The following TRMT11 variants were observed in gnomAD, a reference collection of about 807,000 sequenced individuals.
The protein encoded by TRMT11 is tRNA methyltransferase 11, also known as tRNA (guanine(10)-N(2))-methyltransferase TRMT11.
TRMT11 carries 53 observed loss-of-function variants against 62.8 expected under a neutral mutation model. The observed-to-expected ratio is 0.84, with a 90% CI of 0.68 to 1.06. The LOEUF (loss-of-function observed/expected upper bound fraction) is 1.06. TRMT11 is among the 50% of genes least tolerant of loss of function. The pLI is 0.00. For synonymous variants in TRMT11, 188 were observed against 190.3 expected (o/e 0.99, Z 0.10); for missense variants, 556 against 553.4 (o/e 1.00, Z -0.05).
At chr6:126,183,486 A>G (rs940621951) in intron 1 of TRMT11, among the ~76,000 whole-genome samples, 2 of 152,190 alleles carry the variant, frequency 1.3e-5, no homozygotes, top group African/African-American at 4.8e-5. Context: ...GTGTGCAGCT[A>G]TCTGAACAGT....
intron 7 of TRMT11, among the ~76,000 whole-genome samples, chr6:126,003,524 A>T (rs1044110478): frequency 6.6e-5 from 10 of 152,002 alleles, no homozygotes; most frequent in Admixed American, 6.6e-5. Flanking sequence ...CTGTTTTTCC[A>T]CAGTCTCACC....
chr6:126,257,996 G>T, the TRMT11 span: 1 of 1,543,230 alleles, frequency 6.5e-7, no homozygotes, highest in South Asian at 1.1e-5. Flanking sequence ...AGGCCTCGGT[G>T]GGTTTGTAAC....
At chr6:126,239,485 A>G in the TRMT11 span, among the ~76,000 whole-genome samples, 1 of 152,122 alleles carries the variant, frequency 6.6e-6, no homozygotes, top group Non-Finnish European at 1.5e-5. Context: ...TTGGCTGGAT[A>G]TGAAATTCTG....
At chr6:126,017,945 C>T (rs1385725976) in intron 11 of TRMT11, among the ~76,000 whole-genome samples, 2 of 152,184 alleles carry the variant, frequency 1.3e-5, no homozygotes, top group African/African-American at 4.8e-5. Context: ...GCTGTTTGCC[C>T]AGGCTCCATA....
chr6:126,073,550 A>G (rs1213081657), intron 17 of TRMT11, among the ~76,000 whole-genome samples: 1 of 152,160 alleles, frequency 6.6e-6, no homozygotes, highest in African/African-American at 2.4e-5. Flanking sequence ...TCACAGTCAC[A>G]ACATGAGACC....
chr6:126,139,776 A>G (rs550447661), intron 21 of TRMT11, among the ~76,000 whole-genome samples: 1 of 152,094 alleles, frequency 6.6e-6, no homozygotes, highest in Non-Finnish European at 1.5e-5. Context: ...TGTAACTTCT[A>G]TTTGGCTACC....
chr6:126,247,719 G>A, the TRMT11 span, among the ~76,000 whole-genome samples: 1 of 151,402 alleles, frequency 6.6e-6, no homozygotes, highest in Non-Finnish European at 1.5e-5. Flanking sequence ...TGGGATAAAA[G>A]AAAACTAGGA....
intron 1 of TRMT11, among the ~76,000 whole-genome samples, chr6:126,184,676 G>T (rs1473380793): frequency 6.6e-6 from 1 of 151,938 alleles, no homozygotes; most frequent in Non-Finnish European, 1.5e-5. Flanking sequence ...AGACCTTCTT[G>T]GGCTCCCTCA....
At chr6:126,211,944 T>G in the TRMT11 span, among the ~76,000 whole-genome samples, 1 of 152,156 alleles carries the variant, frequency 6.6e-6, no homozygotes, top group Non-Finnish European at 1.5e-5. Flanking sequence ...CTTCCCAGCC[T>G]CTGGTAACTA....
chr6:126,195,155 TA>T (rs1433791137), intron 1 of TRMT11, among the ~76,000 whole-genome samples: 13 of 152,206 alleles, frequency 8.5e-5, no homozygotes, highest in Non-Finnish European at 1.6e-4. Flanking sequence ...ATGATTCAGA[TA>T]ATTCAGATTA....
At chr6:126,218,939 C>T in the TRMT11 span, among the ~76,000 whole-genome samples, 2 of 152,172 alleles carry the variant, frequency 1.3e-5, no homozygotes, top group Non-Finnish European at 2.9e-5. Flanking sequence ...TCTCTCCAGG[C>T]ACCAGCTGAG....
At chr6:126,132,931 C>T (rs1777803931) in intron 21 of TRMT11, among the ~76,000 whole-genome samples, 1 of 151,886 alleles carries the variant, frequency 6.6e-6, no homozygotes, top group Admixed American at 6.6e-5. Context: ...CTTTTTTTCC[C>T]TTAATTTTTA....
chr6:126,031,449 A>G lies in TRMT11; in HGVS notation c.1261-7256A>G, dbSNP rs1346714593. Among the ~76,000 whole-genome samples, 11 of 152,168 alleles carry G rather than the reference A, an allele frequency of 7.2e-5. 1 individual carries two copies. The East Asian group carries it at 1.9e-3, about 27-fold the overall frequency. Reference sequence around the variant, plus strand: ...ATCAGGAGAAATGGCCACTCAAACCATATTCCAACATAGCATCTTGTGTTC... The same window carrying G: ...ATCAGGAGAAATGGCCACTCAAACCGTATTCCAACATAGCATCTTGTGTTC... On this transcript the variant is annotated intron_variant, in intron 12 of 12. Coordinates refer to ENST00000334379, the MANE Select transcript of TRMT11 (RefSeq NM_001031712.3).
intron 12 of TRMT11, among the ~76,000 whole-genome samples, chr6:126,022,367 C>T (rs1182920103): frequency 6.6e-6 from 1 of 152,050 alleles, no homozygotes; most frequent in African/African-American, 2.4e-5. Context: ...TCATACCCAT[C>T]TCTAGCCTGC....
rs1562334975 is a variant in TRMT11, at chr6:126,151,935, C to CTTTCTTTCTTTCTTTCTT, written c.*1824-22879_*1824-22878insCTTTCTTTTTCTTTCTTT. Among the ~76,000 whole-genome samples, 7 of 94,824 alleles carry CTTTCTTTCTTTCTTTCTT rather than the reference C, an allele frequency of 7.4e-5. 1 individual carries two copies. The highest frequency in any genetic ancestry group is 3.5e-4 in the African/African-American group (7 of 19,772). 62.2% of individuals were successfully genotyped at this position (94,824 alleles called of 152,430 possible). ...TCTTTCTTTCTTTCTTTCTTTCTTT[C>CTTTCTTTCTTTCTTTCTT]TTTCTTTCTTTTCTTTCTTTCTTTT... On this transcript the variant is annotated intron_variant and NMD_transcript_variant, in intron 21 of 22. Coordinates refer to the TRMT11 transcript ENST00000648977.
chr6:126,160,083 A>C (rs1351210108), intron 21 of TRMT11, among the ~76,000 whole-genome samples: 1 of 152,200 alleles, frequency 6.6e-6, no homozygotes, highest in Non-Finnish European at 1.5e-5. Flanking sequence ...TAAAGACACC[A>C]GTCATGTTGG....
intron 21 of TRMT11, among the ~76,000 whole-genome samples, chr6:126,121,932 G>A (rs1777654692): frequency 6.6e-6 from 1 of 152,024 alleles, no homozygotes; most frequent in South Asian, 2.1e-4. Flanking sequence ...ATATGGTTTG[G>A]CAGTGTCCCC....
chr6:126,023,966 A>C (rs554089274), intron 12 of TRMT11, among the ~76,000 whole-genome samples: 23 of 152,104 alleles, frequency 1.5e-4, no homozygotes, highest in Admixed American at 8.5e-4. Context: ...TGAGTTGCTT[A>C]AAAAAAAGAC....
the TRMT11 span, among the ~76,000 whole-genome samples, chr6:126,245,530 G>A: frequency 6.6e-6 from 1 of 152,362 alleles, no homozygotes; most frequent in East Asian, 1.9e-4. Context: ...CAGACTGGCA[G>A]AGGTACACAT....
Sources: allele counts gnomAD v4.1 joint callset (sites outside exome capture counted in the v4.1 genomes callset), GRCh38; gene constraint gnomAD v4.1.1; transcripts MANE v1.5; gene names NCBI Gene and HGNC (gene_info 2026-07-23, HGNC 2026-07-21).